FOXP1: variants seen among roughly 807,000 people sequenced by gnomAD.
FOXP1 encodes the protein forkhead box protein P1.
FOXP1 carries 15 observed loss-of-function variants against 98.2 expected under a neutral mutation model. The ratio of observed to expected loss-of-function variants is 0.15; its 90% CI spans 0.10 to 0.24. FOXP1 has a LOEUF of 0.24. FOXP1 is among the 10% of genes least tolerant of loss of function. The pLI is 1.00. For synonymous variants in FOXP1, 371 were observed against 314.5 expected, an observed-to-expected ratio of 1.18 and a Z score of -1.90; for missense variants, 633 against 848.5, an observed-to-expected ratio of 0.75 and a Z score of 3.15.
At chr3:71,054,057 G>T (rs1339835982) in intron 7 of FOXP1, among the ~76,000 whole-genome samples, 2 of 152,186 alleles carry the variant, frequency 1.3e-5, no homozygotes, top group Admixed American at 1.3e-4. Context: ...GTTAAGATAC[G>T]ACAGTTCTCA....
At chr3:71,558,279 T>C (rs2046282220) in intron 2 of FOXP1, among the ~76,000 whole-genome samples, 1 of 152,130 alleles carries the variant, frequency 6.6e-6, no homozygotes, top group Non-Finnish European at 1.5e-5. Flanking sequence ...GACGTGCCCC[T>C]TCCCTAACAG....
At chr3:70,977,800 T>A in intron 15 of FOXP1, 28 bp downstream of exon 15, 1 of 1,612,492 alleles carries the variant, frequency 6.2e-7, no homozygotes, top group Non-Finnish European at 8.5e-7. Context: ...ATTACAACTC[T>A]ACGTGAGGCA....
intron 6 of FOXP1, among the ~76,000 whole-genome samples, chr3:71,137,850 G>T (rs1019243474): frequency 3.3e-5 from 5 of 150,612 alleles, no homozygotes; most frequent in African/African-American, 1.2e-4. Flanking sequence ...TAAAGTTCTA[G>T]ATTTCTATAC....
intron 13 of FOXP1, among the ~76,000 whole-genome samples, chr3:70,991,476 T>C (rs1559659945): frequency 6.6e-6 from 1 of 152,186 alleles, no homozygotes; most frequent in African/African-American, 2.4e-5. Context: ...CTAAGATTAA[T>C]CTTAAACTCA....
Position 70,972,716 on chromosome 3 carries a change from TAAG to T in FOXP1, c.1531-43_1531-41del, listed in dbSNP as rs756876734. ...AAAGAGAGAACATTTACATTTTCTA[TAAG>T]AAAAGACTCCAAAAACAGCAGTAAA... is the stretch of plus-strand genomic sequence containing the variant. On this transcript the variant is annotated intron_variant, in intron 17 of 20. Coordinates refer to ENST00000649528, the MANE Select transcript of FOXP1 (RefSeq NM_001349338.3). 3 of 1,608,492 alleles carry T rather than the reference TAAG, an allele frequency of 1.9e-6. No individual in the cohort carries two copies. In the East Asian group the frequency reaches 6.7e-5, roughly 36 times the overall value.
rs1335462389 is a variant in FOXP1, at chr3:71,413,470, G to A, written c.-167-54226C>T. Among the ~76,000 whole-genome samples the A allele has an allele frequency of 2.6e-5, 4 of 151,936 alleles. No individual in the cohort carries two copies. The East Asian group carries it at 7.7e-4, about 29-fold the overall frequency. ...CACACATACTGTACTTTTACTACTT[G>A]TTTAATTTCTGTCTTTTTGTCCGTC... is the stretch of plus-strand genomic sequence containing the variant. On this transcript the variant is annotated intron_variant, in intron 3 of 20. Transcript: ENST00000649528.
At chr3:71,380,859 T>C (rs1329545731) in intron 3 of FOXP1, among the ~76,000 whole-genome samples, 2 of 152,166 alleles carry the variant, frequency 1.3e-5, no homozygotes, top group Non-Finnish European at 2.9e-5. Context: ...ATTTCTGTTG[T>C]TGAGTCATAG....
At chr3:71,367,560 G>C (rs558805070) in intron 3 of FOXP1, among the ~76,000 whole-genome samples, 14 of 152,246 alleles carry the variant, frequency 9.2e-5, no homozygotes, top group African/African-American at 3.1e-4. Flanking sequence ...ATTAGATGAA[G>C]ATTTCAGCTC....
chr3:71,237,726 C>T (rs769068713), intron 5 of FOXP1, among the ~76,000 whole-genome samples: 24 of 152,190 alleles, frequency 1.6e-4, no homozygotes, highest in Non-Finnish European at 2.6e-4. Context: ...TGAATCCATA[C>T]GTGTACATGG....
chr3:71,340,984 G>C (rs1453702102), intron 4 of FOXP1, among the ~76,000 whole-genome samples: 1 of 152,148 alleles, frequency 6.6e-6, no homozygotes. Flanking sequence ...AACTGACAGA[G>C]CTGACAGGAG....
intron 5 of FOXP1, among the ~76,000 whole-genome samples, chr3:71,278,608 C>T (rs1407314312): frequency 6.6e-5 from 10 of 151,892 alleles, no homozygotes; most frequent in African/African-American, 2.2e-4. Flanking sequence ...TGGTGAAACC[C>T]CATCTCTACT....
At chr3:71,366,619 T>C (rs2078947211) in intron 3 of FOXP1, among the ~76,000 whole-genome samples, 1 of 152,232 alleles carries the variant, frequency 6.6e-6, no homozygotes, top group Non-Finnish European at 1.5e-5. Flanking sequence ...GTTATACAAT[T>C]TGAAACAATG....
chr3:71,364,167 T>C (rs1417776859), intron 3 of FOXP1, among the ~76,000 whole-genome samples: 2 of 152,218 alleles, frequency 1.3e-5, no homozygotes, highest in African/African-American at 4.8e-5. Context: ...GCTGCTAGTA[T>C]CTCTTACCCA....
chr3:71,112,421 T>C (rs756379387), intron 7 of FOXP1, 115 bp downstream of exon 7: 32 of 905,430 alleles, frequency 3.5e-5, no homozygotes, highest in Non-Finnish European at 5.3e-5. Flanking sequence ...AAAATGCACT[T>C]TCCACAGAAG....
Position 70,959,184 on chromosome 3 carries a change from T to C in FOXP1, c.*63A>G. On this transcript the variant is annotated 3_prime_UTR_variant, in exon 21 of 21. Coordinates refer to ENST00000649528, the MANE Select transcript of FOXP1 (RefSeq NM_001349338.3). Reference sequence around the variant, plus strand: ...GGAGAACAATTTCACTGCTAACTTTTGACGTGTTTTTTTTTTTTTCCTTTT... The same window carrying C: ...GGAGAACAATTTCACTGCTAACTTTCGACGTGTTTTTTTTTTTTTCCTTTT... 6.4e-7 allele frequency: 1 copy of C among 1,559,388 alleles called. No homozygotes were observed. The highest frequency in any genetic ancestry group is 8.8e-7 in the Non-Finnish European group (1 of 1,135,962).
chr3:71,000,909 C>CA (rs1202893210), intron 13 of FOXP1, 63 bp downstream of exon 13: 1 of 1,035,590 alleles, frequency 9.7e-7, no homozygotes, highest in Non-Finnish European at 1.5e-6. Context: ...CATTACAGAA[C>CA]ACTACAGAAA....
At chr3:71,308,804 TGTGG>T (rs1374994272) in intron 4 of FOXP1, among the ~76,000 whole-genome samples, 14 of 128,146 alleles carry the variant, frequency 1.1e-4, no homozygotes, top group South Asian at 2.6e-4. Flanking sequence ...TGTGTGTGTG[TGTGG>T]GTGAGGGGGG....
intron 2 of FOXP1, among the ~76,000 whole-genome samples, chr3:71,523,999 G>A (rs749412396): frequency 1.3e-4 from 20 of 152,084 alleles, no homozygotes; most frequent in Non-Finnish European, 2.5e-4. Context: ...GTTACCAGCC[G>A]ACAGACAGAA....
chr3:70,979,695 T>C (rs1264361648), intron 14 of FOXP1, among the ~76,000 whole-genome samples: 1 of 151,750 alleles, frequency 6.6e-6, no homozygotes, highest in Non-Finnish European at 1.5e-5. Context: ...AAAAATGAGA[T>C]TCCTCTGAGA....
Sources: allele counts gnomAD v4.1 joint callset (sites outside exome capture counted in the v4.1 genomes callset), GRCh38; gene constraint gnomAD v4.1.1; transcripts MANE v1.5; gene names NCBI Gene and HGNC (gene_info 2026-07-23, HGNC 2026-07-21).